CLASP1: variants seen among roughly 807,000 people sequenced by gnomAD.
CLASP1 encodes the protein cytoplasmic linker associated protein 1.
Under a neutral mutation model 192.3 loss-of-function variants are expected in CLASP1, and 38 were observed. That is an observed-to-expected ratio of 0.20 (90% CI 0.15 to 0.26). The LOEUF is 0.26. Ranked by LOEUF, CLASP1 falls within the 10% of genes least tolerant of loss-of-function variation. CLASP1 has a pLI of 1.00. For missense variants in CLASP1, 1,433 were observed against 1,932.5 expected (o/e 0.74, Z 4.85); for synonymous variants, 691 against 712.8 (o/e 0.97, Z 0.49).
At chr2:121,387,161 G>C in exon 32 of CLASP1, 9 of 1,613,734 alleles carry the variant, frequency 5.6e-6, no homozygotes, top group Non-Finnish European at 7.6e-6. Context: ...GGTGGGTGAG[G>C]TCAGGGGGCT....
chr2:121,355,918 C>A (rs2065293642), intron 37 of CLASP1, among the ~76,000 whole-genome samples: 1 of 152,254 alleles, frequency 6.6e-6, no homozygotes, highest in Non-Finnish European at 1.5e-5. Context: ...AGAAACACAG[C>A]ACTCCTTCAC....
At chr2:121,479,174 G>A (rs78365772) in intron 8 of CLASP1, among the ~76,000 whole-genome samples, 2,045 of 150,764 alleles carry the variant, frequency 0.014, 41 homozygotes, top group African/African-American at 0.047. Context: ...TGTGGTAGAC[G>A]TGCTAGCCAG....
intron 2 of CLASP1, among the ~76,000 whole-genome samples, chr2:121,578,876 A>G (rs568857180): frequency 3.3e-5 from 5 of 152,338 alleles, no homozygotes; most frequent in African/African-American, 1.2e-4. Context: ...TCACTCTGTA[A>G]GTCTAAAACT....
At chr2:121,523,340 A>G (rs1020785738) in intron 6 of CLASP1, among the ~76,000 whole-genome samples, 1 of 152,222 alleles carries the variant, frequency 6.6e-6, no homozygotes, top group Non-Finnish European at 1.5e-5. Flanking sequence ...TGTACTTCTA[A>G]AATAAAGAAA....
intron 8 of CLASP1, among the ~76,000 whole-genome samples, chr2:121,492,231 T>C (rs1383747325): frequency 6.6e-6 from 1 of 151,058 alleles, no homozygotes; most frequent in Non-Finnish European, 1.5e-5. Flanking sequence ...CTACTAAAAA[T>C]ACAAAAAATT....
chr2:121,388,623 G>A (rs745437978), intron 30 of CLASP1, among the ~76,000 whole-genome samples: 3 of 152,210 alleles, frequency 2.0e-5, no homozygotes, highest in Non-Finnish European at 4.4e-5. Context: ...CGGGCTTCTA[G>A]TAAGTGATGT....
intron 8 of CLASP1, among the ~76,000 whole-genome samples, chr2:121,471,850 T>A (rs972777308): frequency 3.3e-5 from 5 of 152,192 alleles, no homozygotes; most frequent in Admixed American, 1.3e-4. Context: ...TTAATTAGCA[T>A]AGACTTCCCG....
chr2:121,534,396 G>T (rs902014332), intron 2 of CLASP1, among the ~76,000 whole-genome samples: 5 of 152,156 alleles, frequency 3.3e-5, no homozygotes, highest in Non-Finnish European at 7.4e-5. Flanking sequence ...CCTAATCCCT[G>T]ACATCAGATT....
At chr2:121,522,753 T>C (rs892039036) in intron 6 of CLASP1, among the ~76,000 whole-genome samples, 1 of 152,222 alleles carries the variant, frequency 6.6e-6, no homozygotes, top group African/African-American at 2.4e-5. Context: ...ACTCCAGGGC[T>C]GCCAATGTTT....
intron 6 of CLASP1, among the ~76,000 whole-genome samples, chr2:121,522,144 G>A (rs187400914): frequency 8.5e-5 from 13 of 152,254 alleles, no homozygotes; most frequent in Non-Finnish European, 2.9e-5. Context: ...GTGCGCGCAC[G>A]TGTGCAAATA....
chr2:121,367,819 C>T, exon 35 of CLASP1: 1 of 1,613,282 alleles, frequency 6.2e-7, no homozygotes, highest in Non-Finnish European at 8.5e-7. Flanking sequence ...GCAGCGCCCC[C>T]ATCGCGGGAC....
rs2068289574 is a variant in CLASP1 at position 121,626,025 on chromosome 2, A to C, written c.-285-19845T>G. ...GAGGCAAGAGAATCACTTTGAACAC[A>C]GGAGGCAGAGGCTGCAGTGAGCTGA... is the stretch of plus-strand genomic sequence containing the variant. On this transcript the variant is annotated intron_variant, in intron 1 of 39. Coordinates refer to ENST00000263710, the Ensembl canonical transcript of CLASP1. Among the ~76,000 whole-genome samples, 3 of 151,610 alleles carry C rather than the reference A, an allele frequency of 2.0e-5. No homozygotes were observed. In the South Asian group the frequency reaches 6.2e-4, roughly 32 times the overall value.
At chr2:121,561,729 A>G (rs1241872073) in intron 2 of CLASP1, among the ~76,000 whole-genome samples, 1 of 152,244 alleles carries the variant, frequency 6.6e-6, no homozygotes, top group African/African-American at 2.4e-5. Context: ...GATAAGGGCA[A>G]GTGAGTCAGG....
intron 19 of CLASP1, among the ~76,000 whole-genome samples, chr2:121,434,067 A>C (rs1251744425): frequency 6.6e-6 from 1 of 152,120 alleles, no homozygotes; most frequent in Non-Finnish European, 1.5e-5. Context: ...TATTAAGTTT[A>C]TTTTGGCAGG....
chr2:121,476,237 A>T (rs532038657), intron 8 of CLASP1, among the ~76,000 whole-genome samples: 1 of 152,160 alleles, frequency 6.6e-6, no homozygotes, highest in Non-Finnish European at 1.5e-5. Flanking sequence ...CAGGGCCAGC[A>T]CTAGGAGGTC....
intron 2 of CLASP1, chr2:121,531,156 CG>C (rs2094845712): frequency 1.6e-6 from 1 of 611,756 alleles, no homozygotes; most frequent in South Asian, 1.9e-5. Context: ...GGTGATTAAA[CG>C]GGAAGGATTT....
intron 2 of CLASP1, 39 bp from the exon 3 acceptor site, chr2:121,530,364 C>T: frequency 1.3e-6 from 2 of 1,510,724 alleles, no homozygotes; most frequent in Non-Finnish European, 9.0e-7. Flanking sequence ...AGCAGCCGGC[C>T]TGCGGGGCAG....
At chr2:121,478,913 A>C (rs1575282840) in intron 8 of CLASP1, among the ~76,000 whole-genome samples, 2 of 52,388 alleles carry the variant, frequency 3.8e-5, no homozygotes, top group Non-Finnish European at 7.1e-5. Flanking sequence ...CACCACACAC[A>C]CCACACACAC....
chr2:121,466,590 C>A (rs1435216747), intron 9 of CLASP1, among the ~76,000 whole-genome samples: 1 of 152,118 alleles, frequency 6.6e-6, no homozygotes, highest in African/African-American at 2.4e-5. Flanking sequence ...AAGAGCAGCA[C>A]CTACACAATT....
Sources: gnomAD v4.1 joint callset for allele counts (sites outside exome capture counted in the v4.1 genomes callset) on GRCh38, gnomAD v4.1.1 for gene constraint, MANE v1.5 for transcripts, NCBI Gene and HGNC (gene_info 2026-07-23, HGNC 2026-07-21) for gene names.